The following GPM6A variants were observed in gnomAD, a reference collection of about 807,000 sequenced individuals.
The protein encoded by GPM6A is glycoprotein M6A, also known as neuronal membrane glycoprotein M6-a.
Under a neutral mutation model 32.1 loss-of-function variants are expected in GPM6A, and 7 were observed. That is an observed-to-expected ratio of 0.22 (90% CI 0.12 to 0.41). The LOEUF (loss-of-function observed/expected upper bound fraction) is 0.41, where lower values mean the gene tolerates loss of function less well. Among genes scored for constraint, GPM6A ranks in the 10% least tolerant of loss-of-function variants. The probability of loss-of-function intolerance (pLI) is 1.00; values close to 1 mark genes in which losing one functional copy is unlikely to be tolerated. For synonymous variants in GPM6A, 130 were observed against 123.4 expected, an observed-to-expected ratio of 1.05 and a Z score of -0.35; for missense variants, 235 against 347.2, an observed-to-expected ratio of 0.68 and a Z score of 2.57.
At chr4:175,878,681 G>A (rs1402033516) in intron 1 of GPM6A, among the ~76,000 whole-genome samples, 1 of 152,052 alleles carries the variant, frequency 6.6e-6, no homozygotes, top group African/African-American at 2.4e-5. Context: ...GGGCTGCCTT[G>A]AAGGTTTCTG....
chr4:175,721,674 T>G (rs1326342888), intron 1 of GPM6A, among the ~76,000 whole-genome samples: 2 of 152,218 alleles, frequency 1.3e-5, no homozygotes, highest in African/African-American at 4.8e-5. Context: ...AATTAAAATA[T>G]AGAAGACAAT....
At chr4:175,843,179 A>C (rs1327341231) in intron 1 of GPM6A, among the ~76,000 whole-genome samples, 1 of 152,180 alleles carries the variant, frequency 6.6e-6, no homozygotes, top group African/African-American at 2.4e-5. Flanking sequence ...TTTGCTTGCC[A>C]AAAAGAAGAA....
chr4:175,872,106 C>A (rs1736928916), intron 1 of GPM6A, among the ~76,000 whole-genome samples: 1 of 152,164 alleles, frequency 6.6e-6, no homozygotes, highest in Non-Finnish European at 1.5e-5. Context: ...CTCCTCCTGG[C>A]TAATTAGCCA....
intron 1 of GPM6A, among the ~76,000 whole-genome samples, chr4:175,789,135 T>C (rs536492603): frequency 1.3e-5 from 2 of 152,322 alleles, no homozygotes; most frequent in East Asian, 3.9e-4. Flanking sequence ...TCTTACAAAG[T>C]TAATTTACTT....
chr4:175,800,192 A>G (rs1375593808), intron 1 of GPM6A, among the ~76,000 whole-genome samples: 2 of 152,184 alleles, frequency 1.3e-5, no homozygotes, highest in Non-Finnish European at 2.9e-5. Flanking sequence ...GTTGAGGGCT[A>G]AACTGAAGAG....
upstream of GPM6A, chr4:175,812,317 T>TTTTTTG (rs1734960996): frequency 7.4e-7 from 1 of 1,348,272 alleles, no homozygotes; most frequent in Non-Finnish European, 9.6e-7. Context: ...TTTTTTTTTT[T>TTTTTTG]TTTTTTTTTT....
intron 2 of GPM6A, among the ~76,000 whole-genome samples, chr4:175,700,674 C>G (rs915624675): frequency 6.6e-6 from 1 of 152,032 alleles, no homozygotes; most frequent in African/African-American, 2.4e-5. Context: ...AGATTACAAA[C>G]ACAGGTATCA....
chr4:175,705,881 A>G (rs952803596), intron 1 of GPM6A, among the ~76,000 whole-genome samples: 1 of 152,146 alleles, frequency 6.6e-6, no homozygotes, highest in Non-Finnish European at 1.5e-5. Flanking sequence ...CATTTTCAAT[A>G]CTAGATATTA....
At chr4:175,779,381 C>T (rs1033515581) in intron 1 of GPM6A, among the ~76,000 whole-genome samples, 5 of 152,176 alleles carry the variant, frequency 3.3e-5, no homozygotes, top group African/African-American at 4.8e-5. Flanking sequence ...CGCAGATTTA[C>T]GTCATTCTTT....
At chr4:175,847,858 G>A (rs1200510509) in intron 1 of GPM6A, among the ~76,000 whole-genome samples, 1 of 152,248 alleles carries the variant, frequency 6.6e-6, no homozygotes, top group African/African-American at 2.4e-5. Flanking sequence ...GGATGTAAAA[G>A]CCATTAAATT....
chr4:175,758,926 T>C (rs1398290793), intron 1 of GPM6A, among the ~76,000 whole-genome samples: 1 of 152,206 alleles, frequency 6.6e-6, no homozygotes, highest in Non-Finnish European at 1.5e-5. Context: ...CTCTTCCATT[T>C]TGTGGCAAAA....
intron 1 of GPM6A, among the ~76,000 whole-genome samples, chr4:175,832,194 C>T (rs1735638379): frequency 6.6e-6 from 1 of 152,044 alleles, no homozygotes; most frequent in African/African-American, 2.4e-5. Context: ...TTCAGGAACT[C>T]ATTTAGTAAC....
chr4:175,791,808 A>C (rs146059731), intron 1 of GPM6A, among the ~76,000 whole-genome samples: 3 of 152,136 alleles, frequency 2.0e-5, no homozygotes, highest in Non-Finnish European at 1.5e-5. Context: ...ACATGAGCAA[A>C]CTAGTTTCCA....
chr4:175,846,073 T>G (rs1313825255), intron 1 of GPM6A, among the ~76,000 whole-genome samples: 2 of 152,098 alleles, frequency 1.3e-5, no homozygotes, highest in Non-Finnish European at 2.9e-5. Flanking sequence ...CCCATAAGAA[T>G]TGTTCTTTTC....
At chr4:175,997,926 T>C (rs1281672512) in intron 1 of GPM6A, among the ~76,000 whole-genome samples, 1 of 149,786 alleles carries the variant, frequency 6.7e-6, no homozygotes. Flanking sequence ...GTTGGCATCC[T>C]TCTTCAATCA....
intron 1 of GPM6A, among the ~76,000 whole-genome samples, chr4:175,969,319 A>G (rs1395646792): frequency 6.6e-6 from 1 of 152,094 alleles, no homozygotes. Flanking sequence ...TCTGTACAAT[A>G]CTCTAATAGT....
chr4:175,864,471 G>A (rs1220910615), intron 1 of GPM6A, among the ~76,000 whole-genome samples: 1 of 152,080 alleles, frequency 6.6e-6, no homozygotes, highest in Non-Finnish European at 1.5e-5. Context: ...ACCATGCCCA[G>A]CTTTTTGCTA....
At chr4:175,650,167 G>A (rs182842977) in intron 4 of GPM6A, among the ~76,000 whole-genome samples, 116 of 152,024 alleles carry the variant, frequency 7.6e-4, no homozygotes, top group Non-Finnish European at 8.5e-4. Context: ...TTTTCCCCCC[G>A]TACACATGTA....
At chr4:175,743,831 A>T (rs1220360773) in intron 1 of GPM6A, among the ~76,000 whole-genome samples, 1 of 152,044 alleles carries the variant, frequency 6.6e-6, no homozygotes, top group Non-Finnish European at 1.5e-5. Flanking sequence ...AACACTTTTA[A>T]ATATGTAGGC....
Sources: allele counts gnomAD v4.1 joint callset (sites outside exome capture counted in the v4.1 genomes callset), GRCh38; gene constraint gnomAD v4.1.1; transcripts MANE v1.5; gene names NCBI Gene and HGNC (gene_info 2026-07-23, HGNC 2026-07-21).